SLC6A13: variants seen among roughly 807,000 people sequenced by gnomAD.
The protein encoded by SLC6A13 is solute carrier family 6 member 13.
A neutral mutation model predicts 72.9 loss-of-function variants in SLC6A13; 69 were observed. The observed-to-expected ratio is 0.95, with a 90% CI of 0.78 to 1.16. The LOEUF (loss-of-function observed/expected upper bound fraction) is 1.16. SLC6A13 is among the 50% of genes most tolerant of loss of function. The pLI, the probability that SLC6A13 is intolerant of heterozygous loss-of-function variation, is 0.00. For synonymous variants in SLC6A13, 303 were observed against 303.0 expected (o/e 1.00, Z 0.00); for missense variants, 735 against 760.5 (o/e 0.97, Z 0.39).
At chr12:245,754 G>A (rs1356762653) in intron 2 of SLC6A13, among the ~76,000 whole-genome samples, 1 of 152,154 alleles carries the variant, frequency 6.6e-6, no homozygotes, top group Non-Finnish European at 1.5e-5. Flanking sequence ...GGAGGCCAAG[G>A]CAGGCAGATC....
intron 9 of SLC6A13, among the ~76,000 whole-genome samples, chr12:225,772 C>T (rs552724707): frequency 2.8e-4 from 43 of 152,148 alleles, no homozygotes; most frequent in Middle Eastern, 3.4e-3. Context: ...TTCTGAATGC[C>T]AAGGTAAAAA....
At chr12:237,412 T>G (rs912440474) in intron 5 of SLC6A13, 122 bp from the exon 6 acceptor site, 3 of 1,052,202 alleles carry the variant, frequency 2.9e-6, no homozygotes, top group Non-Finnish European at 4.2e-6. Context: ...CTCTGCTCTC[T>G]TCACATGAGG....
rs148803297 is a variant in SLC6A13, at chr12:229,880, C to G, written c.832-2212G>C. ...ATCGTGACTTGGCCATTTACCTCGC[C>G]TCGGCAGGGGTGGGAGGTCGGAGTG... On this transcript the variant is annotated intron_variant, in intron 7 of 14. Coordinates refer to ENST00000343164, the MANE Select transcript of SLC6A13 (RefSeq NM_016615.5). Among the ~76,000 whole-genome samples, 16 of 152,236 alleles carry G rather than the reference C, an allele frequency of 1.1e-4. 1 individual carries two copies. The East Asian group carries it at 3.1e-3, about 29-fold the overall frequency.
rs984511171 is a variant in SLC6A13, at chr12:220,809, C to T, written c.*139G>A. 1 of 1,028,804 alleles carries T rather than the reference C, an allele frequency of 9.7e-7. No homozygotes were observed. The highest frequency in any genetic ancestry group is 1.4e-6 in the Non-Finnish European group (1 of 718,510). 63.7% of individuals were successfully genotyped at this position (1,028,804 alleles called of 1,614,324 possible). Reference sequence around the variant, plus strand: ...TTGCAGTGGGAGGCCTCCAGCTCAGCAGGTGGACTCCAAAATACCCCTCTT... The same window carrying T: ...TTGCAGTGGGAGGCCTCCAGCTCAGTAGGTGGACTCCAAAATACCCCTCTT... On this transcript the variant is annotated 3_prime_UTR_variant, in exon 15 of 15. Coordinates refer to ENST00000343164, the MANE Select transcript of SLC6A13 (RefSeq NM_016615.5).
At chr12:235,926 G>T (rs1941914499) in intron 6 of SLC6A13, among the ~76,000 whole-genome samples, 1 of 152,138 alleles carries the variant, frequency 6.6e-6, no homozygotes, top group Non-Finnish European at 1.5e-5. Flanking sequence ...ATATGCCCTG[G>T]TCTCCTGCAG....
At chr12:221,334 T>TCCCAG in intron 14 of SLC6A13, 42 bp downstream of exon 14, 1 of 1,540,600 alleles carries the variant, frequency 6.5e-7, no homozygotes, top group South Asian at 1.2e-5. Context: ...CTGCGAAGCC[T>TCCCAG]CCCAGCCCCT....
intron 12 of SLC6A13, 120 bp from the exon 13 acceptor site, chr12:222,752 C>T (rs956005880): frequency 1.6e-6 from 1 of 626,916 alleles, no homozygotes; most frequent in South Asian, 2.0e-5. Context: ...GACATCACAG[C>T]TGTCTGTTCA....
chr12:222,325 C>A (rs1259796603), intron 13 of SLC6A13, among the ~76,000 whole-genome samples: 1 of 152,204 alleles, frequency 6.6e-6, no homozygotes, highest in Non-Finnish European at 1.5e-5. Context: ...TCTGACAGCT[C>A]TGGACCTCAG....
intron 2 of SLC6A13, among the ~76,000 whole-genome samples, chr12:250,423 C>G (rs1942494557): frequency 6.6e-6 from 1 of 151,944 alleles, no homozygotes; most frequent in Non-Finnish European, 1.5e-5. Flanking sequence ...CCTATTAGAA[C>G]CAATCAGTGA....
intron 4 of SLC6A13, among the ~76,000 whole-genome samples, chr12:241,167 G>A (rs550905350): frequency 3.3e-4 from 50 of 152,192 alleles, no homozygotes; most frequent in African/African-American, 1.2e-3. Context: ...AGCCGGGCGT[G>A]TTGGCAGGCG....
intron 8 of SLC6A13, 84 bp downstream of exon 8, chr12:227,481 C>T: frequency 6.3e-7 from 1 of 1,585,364 alleles, no homozygotes; most frequent in Non-Finnish European, 8.6e-7. Flanking sequence ...GCTGATGCAC[C>T]CTCCAACTCA....
At chr12:256,609 T>A (rs1942754347) in intron 2 of SLC6A13, 1 of 152,152 alleles carries the variant, frequency 6.6e-6, no homozygotes, top group Admixed American at 6.5e-5. Context: ...GCTCTGGAAC[T>A]CATTTCAAAT....
rs1039558260 is a variant in SLC6A13 at position 262,785 on chromosome 12, G to A, written c.-6+4C>T. On this transcript the variant is annotated splice_donor_region_variant and intron_variant, in intron 1 of 14. Transcript: ENST00000343164. ...GAAAAAAAAGAGAAGAAAACATTTC[G>A]AACCTTAGTGAAGCTGCTGCCAGAG... The A allele has an allele frequency of 1.0e-4, 75 of 732,934 alleles. No individual in the cohort carries two copies. The highest frequency in any genetic ancestry group is 1.2e-4 in the Non-Finnish European group (72 of 599,762). The allele number at this position is 732,934 out of a possible 1,614,324, so 45.4% of individuals were successfully genotyped here. A position where few individuals can be genotyped will look rare whatever the true frequency, so the allele number is the denominator to read the frequency against.
intron 7 of SLC6A13, among the ~76,000 whole-genome samples, chr12:231,536 G>A (rs1447444130): frequency 6.6e-6 from 1 of 152,154 alleles, no homozygotes; most frequent in East Asian, 1.9e-4. Context: ...TTCAGCATGA[G>A]ACTTGGACCA....
intron 4 of SLC6A13, among the ~76,000 whole-genome samples, chr12:239,817 C>T (rs532465149): frequency 8.5e-5 from 13 of 152,298 alleles, no homozygotes; most frequent in Middle Eastern, 3.4e-3. Context: ...CTTTCCTGGA[C>T]GCTGCAGTGC....
chr12:230,209 G>A (rs1386121350), intron 7 of SLC6A13, among the ~76,000 whole-genome samples: 2 of 152,100 alleles, frequency 1.3e-5, no homozygotes, highest in Non-Finnish European at 2.9e-5. Flanking sequence ...GCAGAAGGCC[G>A]ACCAAGGGAA....
chr12:251,983 A>AG (rs1942570748), intron 2 of SLC6A13, among the ~76,000 whole-genome samples: 1 of 152,236 alleles, frequency 6.6e-6, no homozygotes, highest in South Asian at 2.1e-4. Context: ...CTCAAAAAAA[A>AG]GAAAAGGAAA....
intron 4 of SLC6A13, among the ~76,000 whole-genome samples, chr12:238,882 C>T (rs972453379): frequency 3.3e-5 from 5 of 151,788 alleles, no homozygotes; most frequent in Non-Finnish European, 5.9e-5. Context: ...ACCTGGCCTT[C>T]GGTTTTCACC....
chr12:256,706 C>A (rs1942756962), intron 2 of SLC6A13: 1 of 152,172 alleles, frequency 6.6e-6, no homozygotes, highest in African/African-American at 2.4e-5. Flanking sequence ...GCTCTGAGGA[C>A]TTCTTCATCC....
Sources: allele counts gnomAD v4.1 joint callset (sites outside exome capture counted in the v4.1 genomes callset), GRCh38; gene constraint gnomAD v4.1.1; transcripts MANE v1.5; gene names NCBI Gene and HGNC (gene_info 2026-07-23, HGNC 2026-07-21).